The following ANXA4 variants were observed in gnomAD, a reference collection of about 807,000 sequenced individuals.
ANXA4 encodes annexin A4.
In ANXA4, 39 loss-of-function variants were observed where a neutral mutation model predicts 49.8. The observed-to-expected ratio is 0.78, with a 90% CI of 0.61 to 1.02. The LOEUF (loss-of-function observed/expected upper bound fraction) is 1.02. Among genes scored for constraint, ANXA4 ranks in the 50% least tolerant of loss-of-function variants. ANXA4 has a pLI of 0.00. For missense variants in ANXA4, 360 were observed against 410.1 expected (o/e 0.88, Z 1.05); for synonymous variants, 134 against 152.5 (o/e 0.88, Z 0.89).
intron 2 of ANXA4, among the ~76,000 whole-genome samples, chr2:69,683,422 A>T (rs1314608580): frequency 6.6e-6 from 1 of 152,208 alleles, no homozygotes; most frequent in Admixed American, 6.5e-5. Flanking sequence ...CTCAGTTCAG[A>T]TAGCTTTGTG....
intron 2 of ANXA4, among the ~76,000 whole-genome samples, chr2:69,713,131 T>C (rs1215374366): frequency 6.6e-6 from 1 of 152,054 alleles, no homozygotes; most frequent in African/African-American, 2.4e-5. Flanking sequence ...ACCACCACCC[T>C]GCTGCCTCCT....
At position 69,658,946 on chromosome 2, in the gene ANXA4, G is replaced by A. The variant is rs1026590254; in HGVS notation, n.766+5664G>A. The stretch of plus-strand genomic sequence containing the variant: ...CTCCTGACCTCATGATCCACCCGCC[G>A]TAGGCTCCCAAAGTGCTGGGATTAC... On this transcript the variant is annotated intron_variant and non_coding_transcript_variant, in intron 2 of 3. Coordinates refer to the ANXA4 transcript ENST00000418066. Among the ~76,000 whole-genome samples, 5 of 152,226 alleles carry A rather than the reference G, an allele frequency of 3.3e-5. No homozygotes were observed. The South Asian group carries it at 6.2e-4, about 19-fold the overall frequency.
chr2:69,793,182 T>C lies in ANXA4; in HGVS notation c.97+5041T>C, dbSNP rs377692285. On this transcript the variant is annotated intron_variant, in intron 3 of 12. Coordinates refer to ENST00000394295, the MANE Select transcript of ANXA4 (RefSeq NM_001153.5). ...CAGGAGAATCACTTGAACCAGGGAG[T>C]CAGAGGTTGCAGTGGGCCAAGATCG... is the stretch of plus-strand genomic sequence containing the variant. 2.8e-4 allele frequency among the ~76,000 whole-genome samples: 42 copies of C among 149,924 alleles called. 4 individuals carry two copies. The highest frequency in any genetic ancestry group is 2.2e-3 in the Admixed American group (33 of 14,818).
At chr2:69,652,617 G>A (rs1255738747) in intron 1 of ANXA4, among the ~76,000 whole-genome samples, 1 of 152,132 alleles carries the variant, frequency 6.6e-6, no homozygotes, top group African/African-American at 2.4e-5. Context: ...CCAGCACTTT[G>A]GGAGGCTGAG....
At position 69,818,653 on chromosome 2, in the gene ANXA4, C is replaced by A; in HGVS notation, c.683C>A (p.Ser228Tyr). The change falls in exon 10 of 13, where the codon TCT becomes TAT. Residue 228 changes from serine (S) to tyrosine (Y), a missense_variant. By Grantham distance (144) the Ser-to-Tyr change is moderately radical. Coordinates refer to ENST00000394295, the MANE Select transcript of ANXA4 (RefSeq NM_001153.5). ...SQKDIEQSIK[S>Y]ETSGSFEDAL... is the part of the protein sequence containing the mutation. ...AAGGATATTGAACAGAGTATTAAAT[C>A]TGAAACATCTGGTAGCTTTGAAGAT... The A allele has an allele frequency of 6.2e-7, 1 of 1,610,170 alleles. No homozygotes were observed. The highest frequency in any genetic ancestry group is 2.2e-5 in the East Asian group (1 of 44,702).
At chr2:69,781,493 G>A in intron 1 of ANXA4, 27 bp from the exon 2 acceptor site, 3 of 1,569,298 alleles carry the variant, frequency 1.9e-6, no homozygotes, top group Non-Finnish European at 2.6e-6. Flanking sequence ...CTTCATCACA[G>A]TAATTTCCCC....
intron 2 of ANXA4, among the ~76,000 whole-genome samples, chr2:69,677,333 G>A (rs1677447279): frequency 6.6e-6 from 1 of 151,996 alleles, no homozygotes; most frequent in South Asian, 2.1e-4. Context: ...GGGTTCGAGT[G>A]GTTCTCCTAC....
At chr2:69,723,022 AATAT>A (rs550066124) in intron 3 of ANXA4, among the ~76,000 whole-genome samples, 1 of 145,410 alleles carries the variant, frequency 6.9e-6, no homozygotes, top group Non-Finnish European at 1.5e-5. Context: ...AATACCAAAA[AATAT>A]ATATATATAT....
At chr2:69,786,906 G>A (rs1213414238) in intron 2 of ANXA4, among the ~76,000 whole-genome samples, 1 of 151,988 alleles carries the variant, frequency 6.6e-6, no homozygotes, top group East Asian at 1.9e-4. Flanking sequence ...GTATGTTTTT[G>A]TAGAGATGAG....
chr2:69,804,402 C>G (rs937988903), intron 3 of ANXA4, 131 bp from the exon 4 acceptor site: 2 of 740,174 alleles, frequency 2.7e-6, no homozygotes, highest in Non-Finnish European at 4.4e-6. Flanking sequence ...TAGACAAACC[C>G]TCTGAATAAG....
rs796158761 is a variant in ANXA4 at position 69,687,507 on chromosome 2, C to CA, written n.767-33254dup. 1.9e-3 allele frequency among the ~76,000 whole-genome samples: 222 copies of CA among 119,328 alleles called. 1 individual carries two copies. Among genetic ancestry groups the CA allele is most frequent in the African/African-American group, 2.4e-3 (77 of 32,070 alleles). 78.3% of individuals were successfully genotyped at this position (119,328 alleles called of 152,430 possible). A position where few individuals can be genotyped will look rare whatever the true frequency, so the allele number is the denominator to read the frequency against. ...TAGGCAACAGAGCAAGACCCTGTCT[C>CA]AAAAAAAAAAAAAGATATTTTTGGG... On this transcript the variant is annotated intron_variant and non_coding_transcript_variant, in intron 2 of 3. Transcript: ENST00000418066.
intron 3 of ANXA4, among the ~76,000 whole-genome samples, chr2:69,798,550 TACA>T (rs1482128075): frequency 6.6e-6 from 1 of 152,174 alleles, no homozygotes; most frequent in Non-Finnish European, 1.5e-5. Flanking sequence ...TCCAGCCCCA[TACA>T]ACAACCAGGC....
chr2:69,694,656 G>T (rs1030751154), intron 2 of ANXA4, among the ~76,000 whole-genome samples: 1 of 151,188 alleles, frequency 6.6e-6, no homozygotes, highest in African/African-American at 2.4e-5. Flanking sequence ...AGTTTGCTGA[G>T]AATGATGGTT....
At chr2:69,648,888 CTT>C (rs777450997) in intron 1 of ANXA4, among the ~76,000 whole-genome samples, 4 of 105,804 alleles carry the variant, frequency 3.8e-5, no homozygotes, top group Non-Finnish European at 6.9e-5. Context: ...TCTTTCTTTT[CTT>C]TTTTTTTTTT....
chr2:69,649,351 A>G (rs1465551806), intron 1 of ANXA4, among the ~76,000 whole-genome samples: 4 of 152,144 alleles, frequency 2.6e-5, no homozygotes, highest in African/African-American at 7.2e-5. Context: ...TGACATTTTG[A>G]TCAATTTCCT....
chr2:69,663,292 CCTTTTTTTT>C (rs1485083309), intron 2 of ANXA4, among the ~76,000 whole-genome samples: 3 of 53,364 alleles, frequency 5.6e-5, no homozygotes, highest in East Asian at 5.7e-4. Flanking sequence ...ATGCACCCGG[CCTTTTTTTT>C]TTTTTTTTTT....
chr2:69,672,964 G>A (rs1359648398), intron 2 of ANXA4, among the ~76,000 whole-genome samples: 1 of 151,890 alleles, frequency 6.6e-6, no homozygotes, highest in African/African-American at 2.4e-5. Flanking sequence ...ACCACAATGA[G>A]ATACCATCTC....
intron 2 of ANXA4, among the ~76,000 whole-genome samples, chr2:69,695,878 G>A (rs1678144039): frequency 6.6e-6 from 1 of 151,872 alleles, no homozygotes; most frequent in African/African-American, 2.4e-5. Context: ...TCTTAAAAAA[G>A]TATATACCTT....
upstream of ANXA4, chr2:69,644,386 T>C (rs1170002194): frequency 6.6e-6 from 1 of 152,186 alleles, no homozygotes; most frequent in Non-Finnish European, 1.5e-5. Flanking sequence ...AACATTGTGC[T>C]GGCAGTTGGA....
Sources: gnomAD v4.1 joint callset for allele counts (sites outside exome capture counted in the v4.1 genomes callset) on GRCh38, gnomAD v4.1.1 for gene constraint, MANE v1.5 for transcripts, NCBI Gene and HGNC (gene_info 2026-07-23, HGNC 2026-07-21) for gene names.